Variants in BRINP2 observed in about 807,000 individuals in gnomAD.
BRINP2 encodes BMP/retinoic acid inducible neural specific 2, also known as BMP/retinoic acid-inducible neural-specific protein 2.
Under a neutral mutation model 69.2 loss-of-function variants are expected in BRINP2, and 21 were observed. The ratio of observed to expected loss-of-function variants is 0.30; its 90% confidence interval spans 0.22 to 0.44. The LOEUF (loss-of-function observed/expected upper bound fraction) is 0.44, where lower values mean the gene tolerates loss of function less well. Among genes scored for constraint, BRINP2 ranks in the 20% least tolerant of loss-of-function variants. The probability of loss-of-function intolerance (pLI) is 1.00; values close to 1 mark genes in which losing one functional copy is unlikely to be tolerated. For synonymous variants in BRINP2, 380 were observed against 394.1 expected, an observed-to-expected ratio of 0.96 and a Z score of 0.42; for missense variants, 877 against 986.0, an observed-to-expected ratio of 0.89 and a Z score of 1.48.
At chr1:177,244,728 C>T (rs1053591630) in intron 2 of BRINP2, among the ~76,000 whole-genome samples, 1 of 152,182 alleles carries the variant, frequency 6.6e-6, no homozygotes, top group Non-Finnish European at 1.5e-5. Flanking sequence ...TGCAAGGAGG[C>T]CATTAGGTGT....
intron 1 of BRINP2, among the ~76,000 whole-genome samples, chr1:177,194,204 C>T (rs1321535481): frequency 6.6e-6 from 1 of 152,112 alleles, no homozygotes; most frequent in Admixed American, 6.5e-5. Flanking sequence ...CTATGGGAGG[C>T]TTTTTGTTTT....
intron 1 of BRINP2, among the ~76,000 whole-genome samples, chr1:177,175,292 G>GC (rs1295181847): frequency 1.3e-5 from 2 of 151,926 alleles, no homozygotes; most frequent in African/African-American, 4.8e-5. Flanking sequence ...AAGCGGGGTG[G>GC]GGGGGGCAGG....
chr1:177,231,201 A>C (rs1649853409), intron 2 of BRINP2, among the ~76,000 whole-genome samples: 1 of 152,116 alleles, frequency 6.6e-6, no homozygotes, highest in African/African-American at 2.4e-5. Context: ...TGTTGGAAAA[A>C]CAGTTGTTTT....
intron 1 of BRINP2, among the ~76,000 whole-genome samples, chr1:177,218,688 A>C (rs1369949000): frequency 6.6e-6 from 1 of 152,122 alleles, no homozygotes; most frequent in Non-Finnish European, 1.5e-5. Context: ...CATGGGCCCT[A>C]GGGAATTTCC....
At chr1:177,271,073 G>A (rs1651311289) in intron 4 of BRINP2, among the ~76,000 whole-genome samples, 1 of 152,174 alleles carries the variant, frequency 6.6e-6, no homozygotes. Context: ...ATTTCCACTT[G>A]TCTCTAAGCT....
intron 2 of BRINP2, among the ~76,000 whole-genome samples, chr1:177,245,923 A>C (rs945914981): frequency 6.6e-6 from 1 of 152,158 alleles, no homozygotes; most frequent in Non-Finnish European, 1.5e-5. Flanking sequence ...AACTGTTTGA[A>C]AGCTGCAGCT....
chr1:177,255,568 G>T (rs945792244), intron 2 of BRINP2, among the ~76,000 whole-genome samples: 1 of 152,234 alleles, frequency 6.6e-6, no homozygotes, highest in Non-Finnish European at 1.5e-5. Flanking sequence ...ACTGTGATTA[G>T]ATCACATCTT....
At chr1:177,246,121 G>A (rs1232633030) in intron 2 of BRINP2, among the ~76,000 whole-genome samples, 1 of 152,168 alleles carries the variant, frequency 6.6e-6, no homozygotes, top group Non-Finnish European at 1.5e-5. Flanking sequence ...TTCTGTTCTT[G>A]TGTCTCTAAG....
chr1:177,262,339 C>A (rs919713084), intron 4 of BRINP2, among the ~76,000 whole-genome samples: 13 of 152,108 alleles, frequency 8.5e-5, no homozygotes, highest in African/African-American at 3.1e-4. Flanking sequence ...TGGTGAAACC[C>A]CATCTCTACT....
chr1:177,240,603 T>G (rs1290462879), intron 2 of BRINP2, among the ~76,000 whole-genome samples: 1 of 152,132 alleles, frequency 6.6e-6, no homozygotes, highest in African/African-American at 2.4e-5. Context: ...CAGGAACAAG[T>G]GAGACTCCGT....
chr1:177,264,805 G>A (rs764744016), intron 4 of BRINP2, among the ~76,000 whole-genome samples: 3 of 152,090 alleles, frequency 2.0e-5, no homozygotes, highest in Non-Finnish European at 4.4e-5. Context: ...AAATCAGAGA[G>A]GACACAAACA....
chr1:177,198,654 G>C (rs989161185), intron 1 of BRINP2, among the ~76,000 whole-genome samples: 18 of 152,192 alleles, frequency 1.2e-4, no homozygotes, highest in African/African-American at 3.9e-4. Flanking sequence ...TGTCAGAAAA[G>C]AGTCCATTAT....
intron 1 of BRINP2, among the ~76,000 whole-genome samples, chr1:177,187,925 T>G (rs942814434): frequency 3.3e-4 from 50 of 152,324 alleles, no homozygotes; most frequent in Middle Eastern, 3.4e-3. Context: ...AGAGTCTTGA[T>G]CTAAAATTCC....
chr1:177,204,388 AAG>A (rs936871598), intron 1 of BRINP2, among the ~76,000 whole-genome samples: 1 of 152,060 alleles, frequency 6.6e-6, no homozygotes, highest in Admixed American at 6.6e-5. Context: ...AGTATACAGC[AAG>A]AGAGAGAAAA....
intron 2 of BRINP2, among the ~76,000 whole-genome samples, chr1:177,240,732 C>T (rs1217216243): frequency 6.6e-6 from 1 of 152,158 alleles, no homozygotes; most frequent in African/African-American, 2.4e-5. Context: ...AATCTGAAAA[C>T]CACAGGGCTT....
intron 4 of BRINP2, among the ~76,000 whole-genome samples, chr1:177,271,906 C>T (rs145794459): frequency 1.6e-4 from 25 of 152,282 alleles, no homozygotes; most frequent in African/African-American, 5.5e-4. Flanking sequence ...GCCTCTCTCC[C>T]GACTGTTTTT....
At chr1:177,254,615 T>C (rs1005969390) in intron 2 of BRINP2, among the ~76,000 whole-genome samples, 5 of 152,078 alleles carry the variant, frequency 3.3e-5, no homozygotes, top group African/African-American at 1.2e-4. Context: ...ACTTTTTTCA[T>C]GGAACTCCAT....
At chr1:177,278,199 T>C (rs922768971) in intron 6 of BRINP2, among the ~76,000 whole-genome samples, 5 of 152,032 alleles carry the variant, frequency 3.3e-5, no homozygotes, top group Non-Finnish European at 5.9e-5. Context: ...TTGAAGAGGA[T>C]TGGCCTTGAG....
chr1:177,179,597 ACT>A (rs1648190164), intron 1 of BRINP2, among the ~76,000 whole-genome samples: 1 of 151,582 alleles, frequency 6.6e-6, no homozygotes, highest in South Asian at 2.1e-4. Context: ...TCACACACAC[ACT>A]CTTTCTCTCA....
Sources: gnomAD v4.1 joint callset for allele counts (sites outside exome capture counted in the v4.1 genomes callset) on GRCh38, gnomAD v4.1.1 for gene constraint, MANE v1.5 for transcripts, NCBI Gene and HGNC (gene_info 2026-07-23, HGNC 2026-07-21) for gene names.